Variants in SPTAN1 observed in about 807,000 individuals in gnomAD.
The protein encoded by SPTAN1 is spectrin alpha chain, non-erythrocytic 1.
A neutral mutation model predicts 331.3 loss-of-function variants in SPTAN1; 61 were observed. The ratio of observed to expected loss-of-function variants is 0.18; its 90% CI spans 0.15 to 0.23. The LOEUF (loss-of-function observed/expected upper bound fraction) is 0.23, where lower values mean the gene tolerates loss of function less well. Ranked by LOEUF, SPTAN1 falls within the 10% of genes least tolerant of loss-of-function variation. The pLI is 1.00. For missense variants in SPTAN1, 2,043 were observed against 3,147.9 expected, an observed-to-expected ratio of 0.65 and a Z score of 8.40; for synonymous variants, 1,153 against 1,173.9, an observed-to-expected ratio of 0.98 and a Z score of 0.36.
chr9:128,582,470 C>A lies in SPTAN1; in HGVS notation c.1573-9C>A. 1 of 1,613,946 alleles carries A rather than the reference C, an allele frequency of 6.2e-7. No homozygotes were observed. The highest frequency in any genetic ancestry group is 2.2e-5 in the East Asian group (1 of 44,890). ...CTTACCAATGAAGAACTCTTATCTTCCTTCCTAGGCATTAGATGAATTTGC... is the reference window on the plus strand; with the variant it reads ...CTTACCAATGAAGAACTCTTATCTTACTTCCTAGGCATTAGATGAATTTGC... On this transcript the variant is annotated splice_polypyrimidine_tract_variant and intron_variant, in intron 12 of 56. Transcript: ENST00000372739.
At chr9:128,605,528 G>A in intron 31 of SPTAN1, 51 bp downstream of exon 31, 1 of 1,606,650 alleles carries the variant, frequency 6.2e-7, no homozygotes, top group Non-Finnish European at 8.5e-7. Flanking sequence ...CTTCTTTGTA[G>A]GGGTCATTTT....
chr9:128,579,991 G>A (rs1396545059), intron 10 of SPTAN1, among the ~76,000 whole-genome samples: 1 of 152,096 alleles, frequency 6.6e-6, no homozygotes, highest in Non-Finnish European at 1.5e-5. Context: ...GCTGAGTCTT[G>A]CATTAGGAGT....
chr9:128,581,291 T>C (rs957395292), intron 11 of SPTAN1, among the ~76,000 whole-genome samples: 3 of 152,012 alleles, frequency 2.0e-5, no homozygotes, highest in Admixed American at 6.6e-5. Flanking sequence ...TGTAAAATGT[T>C]TTATTAAAGA....
intron 23 of SPTAN1, 26 bp from the exon 24 acceptor site, chr9:128,594,149 C>G: frequency 6.2e-7 from 1 of 1,613,490 alleles, no homozygotes; most frequent in Non-Finnish European, 8.5e-7. Flanking sequence ...CCTTGTCCCT[C>G]TTGTCACCCT....
Position 128,605,102 on chromosome 9 carries a change from A to G in SPTAN1, c.3788A>G (p.His1263Arg), listed in dbSNP as rs1322144803. The change falls in exon 30 of 57, where the codon CAT becomes CGT. Residue 1263 changes from histidine (H) to arginine (R), a missense_variant. Around this residue, in one of 12 missense-constraint regions of SPTAN1, gnomAD observed 42 missense variants for 106.0 expected, o/e 0.40. Transcript: ENST00000372739. ...NQALNTDNYG[H>R]DLASVQALQR... ...GCTCTAAACACAGACAATTATGGAC[A>G]TGATCTCGCCAGTGTCCAGGCCCTG... 3.7e-6 allele frequency: 6 copies of G among 1,613,958 alleles called. No homozygotes were observed. Among genetic ancestry groups the G allele is most frequent in the Non-Finnish European group, 5.1e-6 (6 of 1,180,022 alleles).
At chr9:128,575,713 C>T (rs1237399987) in intron 5 of SPTAN1, among the ~76,000 whole-genome samples, 1 of 152,118 alleles carries the variant, frequency 6.6e-6, no homozygotes, top group East Asian at 1.9e-4. Flanking sequence ...CATTAGGGCT[C>T]TTGCCTTCCT....
Position 128,605,442 on chromosome 9 carries a change from C to T in SPTAN1, c.4011C>T (p.Asp1337=), listed in dbSNP as rs1296309754. 1.2e-6 allele frequency: 2 copies of T among 1,614,202 alleles called. No homozygotes were observed. The highest frequency in any genetic ancestry group is 8.5e-7 in the Non-Finnish European group (1 of 1,180,032). Residue 1337 remains aspartate, a synonymous_variant, in exon 31 of 57, where the codon GAC becomes GAT. Transcript: ENST00000372739. The part of the protein sequence containing the change: ...RADQRKAKLG[D]SHDLQRFLSD... ...ATCAGCGCAAGGCAAAGTTGGGTGA[C>T]TCCCACGACCTGCAGCGCTTCCTTA...
Position 128,608,076 on chromosome 9 carries a change from A to G in SPTAN1, c.4344+27A>G, listed in dbSNP as rs1284657226. ...TGTGTGTGCTCCTGGTTTCTGACCA[A>G]GTGTTTCCTTGCTGAAGGGCCTCAT... On this transcript the variant is annotated intron_variant, in intron 33 of 56. Coordinates refer to ENST00000372739, the MANE Select transcript of SPTAN1 (RefSeq NM_001130438.3). 3.1e-6 allele frequency: 5 copies of G among 1,614,124 alleles called. No individual in the cohort carries two copies. In the South Asian group the frequency reaches 5.5e-5, roughly 18 times the overall value.
chr9:128,609,872 T>G (rs952078635), intron 37 of SPTAN1, among the ~76,000 whole-genome samples: 2 of 152,196 alleles, frequency 1.3e-5, no homozygotes, highest in African/African-American at 2.4e-5. Flanking sequence ...AACGCCTTAC[T>G]CCCCCTTCTC....
At chr9:128,611,927 GT>G in intron 38 of SPTAN1, 82 bp downstream of exon 38, 2 of 1,609,618 alleles carry the variant, frequency 1.2e-6, no homozygotes, top group Non-Finnish European at 1.7e-6. Flanking sequence ...TGGACATACA[GT>G]CTTAAGACAC....
In SPTAN1 at chr9:128,630,382, G is replaced by A. The variant is rs1322013561; in HGVS notation, c.6762+7G>A. 3 of 1,612,124 alleles carry A rather than the reference G, an allele frequency of 1.9e-6. No individual in the cohort carries two copies. In the South Asian group the frequency reaches 3.3e-5, roughly 18 times the overall value. The stretch of plus-strand genomic sequence containing the variant: ...CCAGCTTGAAGCTACCAAAGTAAGT[G>A]CCCGTGGGGCTCTGGCCCAGCAGAG... On this transcript the variant is annotated splice_region_variant and intron_variant, in intron 52 of 56. Transcript: ENST00000372739.
In SPTAN1 at chr9:128,603,693, T is replaced by G. The variant is rs978634903; in HGVS notation, c.3627+103T>G. The G allele has an allele frequency of 3.8e-5, 52 of 1,381,892 alleles. No homozygotes were observed. In the Middle Eastern group the frequency reaches 5.5e-4, roughly 15 times the overall value. 85.6% of individuals were successfully genotyped at this position (1,381,892 alleles called of 1,614,324 possible). On this transcript the variant is annotated intron_variant, in intron 28 of 56. Transcript: ENST00000372739. ...TTGTTCTTGTCAACCGGGTGACCTG[T>G]GACATATCTCACTCTATTGGGTCCA...
At chr9:128,561,747 A>G (rs1223896693) in intron 1 of SPTAN1, among the ~76,000 whole-genome samples, 1 of 150,072 alleles carries the variant, frequency 6.7e-6, no homozygotes, top group Non-Finnish European at 1.5e-5. Flanking sequence ...ATTGTGCCAT[A>G]TTCTGGGAAC....
chr9:128,616,576 G>A (rs1356250948), intron 41 of SPTAN1, among the ~76,000 whole-genome samples: 1 of 151,104 alleles, frequency 6.6e-6, no homozygotes, highest in East Asian at 2.0e-4. Flanking sequence ...AGACCAGCCT[G>A]GCCAACATGG....
In SPTAN1 at chr9:128,625,210, G is replaced by A. The variant is rs1292961081; in HGVS notation, c.6069+31G>A. ...CCCTGGCCCCTTCACTGGTTGAAAT[G>A]TATGCAGATAGCATCTGTGAGATGA... On this transcript the variant is annotated intron_variant, in intron 47 of 56. Transcript: ENST00000372739. The surrounding 1 kb of genome is among the most constrained non-coding windows in gnomAD (Gnocchi z 4.1). 1 of 1,605,616 alleles carries A rather than the reference G, an allele frequency of 6.2e-7. No individual in the cohort carries two copies. Among genetic ancestry groups the A allele is most frequent in the Non-Finnish European group, 8.5e-7 (1 of 1,172,352 alleles).
At chr9:128,592,904 A>G (rs1853719961) in intron 22 of SPTAN1, 79 bp from the exon 23 acceptor site, 11 of 1,331,082 alleles carry the variant, frequency 8.3e-6, no homozygotes, top group Non-Finnish European at 1.2e-5. Context: ...TCATGGCACC[A>G]GTCGGAGCTG....
chr9:128,602,270 G>A (rs2131523200), intron 27 of SPTAN1, among the ~76,000 whole-genome samples: 1 of 149,134 alleles, frequency 6.7e-6, no homozygotes, highest in African/African-American at 2.5e-5. Flanking sequence ...AGGCTGGAGT[G>A]CAGTAACGTG....
At chr9:128,554,401 A>G (rs1848431618) in intron 1 of SPTAN1, among the ~76,000 whole-genome samples, 1 of 152,208 alleles carries the variant, frequency 6.6e-6, no homozygotes, top group Non-Finnish European at 1.5e-5. Context: ...GTCAAGCAAT[A>G]TGATGAAGAG....
intron 31 of SPTAN1, 136 bp from the exon 32 acceptor site, chr9:128,607,468 C>G (rs2131611399): frequency 2.5e-6 from 2 of 800,318 alleles, no homozygotes; most frequent in Non-Finnish European, 4.3e-6. Context: ...GCCCAAAGAC[C>G]TAGCCTCATT....
Sources: gnomAD v4.1 joint callset for allele counts (sites outside exome capture counted in the v4.1 genomes callset) on GRCh38, gnomAD v4.1.1 for gene constraint, gnomAD v4.1.1 regional missense constraint, Gnocchi (gnomAD v3.1) non-coding constraint, MANE v1.5 for transcripts, NCBI Gene and HGNC (gene_info 2026-07-23, HGNC 2026-07-21) for gene names.